Variants in DPP6 observed in about 807,000 individuals in gnomAD.
DPP6 encodes the protein A-type potassium channel modulatory protein DPP6.
In DPP6, 69 loss-of-function variants were observed where a neutral mutation model predicts 122.6. The ratio of observed to expected loss-of-function variants is 0.56; its 90% CI spans 0.46 to 0.69. DPP6 has a LOEUF of 0.69. Among genes scored for constraint, DPP6 ranks in the 30% least tolerant of loss-of-function variants. The pLI is 0.00. For missense variants in DPP6, 928 were observed against 1,116.9 expected (o/e 0.83, Z 2.41); for synonymous variants, 418 against 433.1 (o/e 0.97, Z 0.43).
chr7:153,879,063 G>A, the DPP6 span, among the ~76,000 whole-genome samples: 1 of 152,192 alleles, frequency 6.6e-6, no homozygotes, highest in African/African-American at 2.4e-5. Flanking sequence ...CAGAAACTTG[G>A]ATACTTCCCT....
At chr7:154,275,059 A>G (rs1473465065) in intron 1 of DPP6, among the ~76,000 whole-genome samples, 1 of 152,242 alleles carries the variant, frequency 6.6e-6, no homozygotes, top group African/African-American at 2.4e-5. Flanking sequence ...TGCTCAGGGC[A>G]GCACCTGTGT....
intron 1 of DPP6, chr7:154,092,429 G>T (rs538196905): frequency 6.6e-6 from 1 of 151,414 alleles, no homozygotes; most frequent in African/African-American, 2.4e-5. Context: ...GTGTGTAGTT[G>T]CTCTGTCTCC....
intron 6 of DPP6, among the ~76,000 whole-genome samples, chr7:154,639,161 C>T (rs1168875514): frequency 3.3e-5 from 5 of 152,096 alleles, no homozygotes; most frequent in East Asian, 1.9e-4. Flanking sequence ...AAAACAAACT[C>T]GAATAAACTA....
chr7:153,803,237 G>A, the DPP6 span, among the ~76,000 whole-genome samples: 2 of 148,408 alleles, frequency 1.3e-5, no homozygotes, highest in Non-Finnish European at 3.0e-5. Flanking sequence ...AAACAGTGAC[G>A]GTTAACTTAA....
chr7:154,797,886 G>C (rs1275633918), intron 12 of DPP6, among the ~76,000 whole-genome samples: 5 of 152,210 alleles, frequency 3.3e-5, no homozygotes, highest in Non-Finnish European at 2.9e-5. Flanking sequence ...AGATGTTCAC[G>C]TTACATCCAT....
chr7:153,854,055 C>T, the DPP6 span, among the ~76,000 whole-genome samples: 24,928 of 141,670 alleles, frequency 0.18, 2,194 homozygotes, highest in South Asian at 0.22. Context: ...GTTTCAGCTT[C>T]CTACATATGG....
chr7:154,652,133 C>A (rs187954898), intron 6 of DPP6, among the ~76,000 whole-genome samples: 1 of 152,242 alleles, frequency 6.6e-6, no homozygotes, highest in Admixed American at 6.5e-5. Context: ...CCGCAGGCTC[C>A]CAACACATCA....
chr7:154,506,301 C>T (rs908173391), intron 3 of DPP6, among the ~76,000 whole-genome samples: 17 of 151,956 alleles, frequency 1.1e-4, no homozygotes, highest in African/African-American at 4.1e-4. Context: ...ATATTCTTAT[C>T]CCTTTCAATG....
intron 3 of DPP6, among the ~76,000 whole-genome samples, chr7:154,521,275 T>G (rs991452303): frequency 2.0e-5 from 3 of 152,218 alleles, no homozygotes; most frequent in Admixed American, 2.0e-4. Context: ...CTCTCAACAT[T>G]TGAAAGCCTA....
the DPP6 span, among the ~76,000 whole-genome samples, chr7:153,869,051 T>G: frequency 6.6e-6 from 1 of 152,096 alleles, no homozygotes; most frequent in African/African-American, 2.4e-5. Context: ...TTACATTTGC[T>G]GAGGAGTGCT....
At chr7:154,030,267 G>A (rs1432853152) in intron 1 of DPP6, among the ~76,000 whole-genome samples, 4 of 152,188 alleles carry the variant, frequency 2.6e-5, no homozygotes, top group Admixed American at 6.5e-5. Context: ...TTTCTGAAAT[G>A]TTATAGACAT....
At chr7:154,085,718 A>ATTTTTTATTT (rs888404955) in intron 1 of DPP6, among the ~76,000 whole-genome samples, 3 of 151,868 alleles carry the variant, frequency 2.0e-5, no homozygotes, top group Non-Finnish European at 4.4e-5. Flanking sequence ...CTTAGTACTT[A>ATTTTTTATTT]TTTTTTATTT....
chr7:154,480,082 T>A (rs904634677), intron 3 of DPP6, among the ~76,000 whole-genome samples: 1 of 148,342 alleles, frequency 6.7e-6, no homozygotes, highest in African/African-American at 2.5e-5. Flanking sequence ...GAACCACAGA[T>A]GCACTCGCTT....
intron 20 of DPP6, among the ~76,000 whole-genome samples, chr7:154,878,492 C>T (rs1317886762): frequency 6.6e-6 from 1 of 152,246 alleles, no homozygotes; most frequent in East Asian, 1.9e-4. Flanking sequence ...GAAAGCCTCC[C>T]TCAGCTCTCC....
At chr7:154,267,296 ACAATAATT>A (rs1803481237) in intron 1 of DPP6, among the ~76,000 whole-genome samples, 1 of 148,586 alleles carries the variant, frequency 6.7e-6, no homozygotes, top group Non-Finnish European at 1.5e-5. Flanking sequence ...TTGTAAATAT[ACAATAATT>A]CACAATAATA....
At chr7:154,217,056 C>T (rs544744062) in intron 1 of DPP6, among the ~76,000 whole-genome samples, 12 of 152,002 alleles carry the variant, frequency 7.9e-5, no homozygotes, top group East Asian at 3.9e-4. Context: ...TCCAATTTTA[C>T]GCACAAGCCT....
chr7:153,808,585 C>T, the DPP6 span, among the ~76,000 whole-genome samples: 6 of 152,164 alleles, frequency 3.9e-5, no homozygotes, highest in South Asian at 2.1e-4. Flanking sequence ...CAAGATCACC[C>T]GTCCTCAACT....
At chr7:153,869,629 C>A in the DPP6 span, among the ~76,000 whole-genome samples, 1 of 152,092 alleles carries the variant, frequency 6.6e-6, no homozygotes, top group Non-Finnish European at 1.5e-5. Flanking sequence ...GTCTTTTAAT[C>A]GGAGCATTTA....
intron 1 of DPP6, among the ~76,000 whole-genome samples, chr7:154,425,646 G>A (rs900350593): frequency 6.7e-6 from 1 of 150,258 alleles, no homozygotes; most frequent in African/African-American, 2.5e-5. Context: ...GTGTGTGTGT[G>A]TGTGTGTGTT....
Sources: gnomAD v4.1 joint callset for allele counts (sites outside exome capture counted in the v4.1 genomes callset) on GRCh38, gnomAD v4.1.1 for gene constraint, MANE v1.5 for transcripts, NCBI Gene and HGNC (gene_info 2026-07-23, HGNC 2026-07-21) for gene names.